PARG: variants seen among roughly 807,000 people sequenced by gnomAD.
PARG encodes poly(ADP-ribose) glycohydrolase, also known as mitochondrial poly(ADP-ribose) glycohydrolase.
In PARG, 35 loss-of-function variants were observed where a neutral mutation model predicts 113.0. That is an observed-to-expected ratio of 0.31 (90% confidence interval 0.24 to 0.41). The LOEUF (loss-of-function observed/expected upper bound fraction) is 0.41, where lower values mean the gene tolerates loss of function less well. Ranked by LOEUF, PARG falls within the 10% of genes least tolerant of loss-of-function variation. The probability of loss-of-function intolerance (pLI) is 1.00; values close to 1 mark genes in which losing one functional copy is unlikely to be tolerated. For synonymous variants in PARG, 330 were observed against 409.9 expected (o/e 0.81, Z 2.36); for missense variants, 797 against 1,169.4 (o/e 0.68, Z 4.64).
At chr10:49,937,827 G>C (rs1564671684) in intron 1 of PARG, among the ~76,000 whole-genome samples, 1 of 152,166 alleles carries the variant, frequency 6.6e-6, no homozygotes. Flanking sequence ...TAAGGAACCA[G>C]TATCTTCTGC....
Position 49,933,996 on chromosome 10 carries a change from G to T in PARG, c.452C>A (p.Thr151Asn). The change falls in exon 3 of 18, where the codon ACT becomes AAT. Residue 151 changes from threonine (T) to asparagine (N), a missense_variant. Around this residue, in one of 5 missense-constraint regions of PARG, gnomAD observed 284 missense variants for 306.1 expected, o/e 0.93. Coordinates refer to ENST00000616448, the MANE Select transcript of PARG (RefSeq NM_003631.5). ...ATTTTGCCACTTACACATTGCTGCA[G>T]TCTGATGCTGGTTCAAATACTGTGT... Reference protein sequence around the residue: ...KSTQYLNQHQTAAMCKWQNEG... With the variant: ...KSTQYLNQHQNAAMCKWQNEG... 1.2e-6 allele frequency: 2 copies of T among 1,607,474 alleles called. No homozygotes were observed. The highest frequency in any genetic ancestry group is 1.7e-5 in the Admixed American group (1 of 60,008).
intron 15 of PARG, among the ~76,000 whole-genome samples, chr10:49,835,296 C>T (rs548963587): frequency 5.9e-5 from 9 of 152,088 alleles, no homozygotes; most frequent in Admixed American, 1.3e-4. Flanking sequence ...CAGAAAGCTG[C>T]GAGAATAAAA....
intron 13 of PARG, among the ~76,000 whole-genome samples, chr10:49,856,444 C>G (rs1377234893): frequency 6.6e-6 from 1 of 152,082 alleles, no homozygotes; most frequent in Non-Finnish European, 1.5e-5. Flanking sequence ...CCTCCCAAAG[C>G]GCTAGGATTA....
intron 1 of PARG, among the ~76,000 whole-genome samples, chr10:49,936,326 A>G (rs1732949784): frequency 1.3e-5 from 2 of 152,308 alleles, no homozygotes; most frequent in Admixed American, 1.3e-4. Context: ...CTTAAGTAGA[A>G]ATATGGAATA....
At chr10:49,889,983 A>G (rs1439414012) in intron 7 of PARG, among the ~76,000 whole-genome samples, 3 of 152,218 alleles carry the variant, frequency 2.0e-5, no homozygotes, top group Non-Finnish European at 4.4e-5. Flanking sequence ...AACCTGTACA[A>G]CGCAAACTGG....
intron 7 of PARG, among the ~76,000 whole-genome samples, chr10:49,893,919 TG>T (rs1847941547): frequency 6.6e-6 from 1 of 152,020 alleles, no homozygotes. Context: ...AGGATGGTCT[TG>T]ATCTCCTGAC....
chr10:49,937,882 C>G (rs1838828138), intron 1 of PARG, among the ~76,000 whole-genome samples: 1 of 152,242 alleles, frequency 6.6e-6, no homozygotes, highest in African/African-American at 2.4e-5. Flanking sequence ...AGAGAAAGGA[C>G]TGCTTACTGC....
chr10:49,879,592 T>C (rs2132623515), intron 9 of PARG, 81 bp downstream of exon 9: 1 of 976,552 alleles, frequency 1.0e-6, no homozygotes, highest in Non-Finnish European at 1.5e-6. Flanking sequence ...GCTTGGCCTA[T>C]GGAATTCATT....
intron 7 of PARG, among the ~76,000 whole-genome samples, chr10:49,908,060 C>G (rs1458714105): frequency 6.6e-6 from 1 of 152,106 alleles, no homozygotes; most frequent in African/African-American, 2.4e-5. Context: ...CCTCTTTGTC[C>G]ACCACATAAA....
At chr10:49,911,060 A>G (rs1239193619) in intron 7 of PARG, among the ~76,000 whole-genome samples, 1 of 152,180 alleles carries the variant, frequency 6.6e-6, no homozygotes, top group African/African-American at 2.4e-5. Context: ...AGGTGGGTGG[A>G]TCACCTGAGG....
At chr10:49,844,711 C>T (rs1183516957) in intron 13 of PARG, among the ~76,000 whole-genome samples, 1 of 151,072 alleles carries the variant, frequency 6.6e-6, no homozygotes, top group Non-Finnish European at 1.5e-5. Flanking sequence ...GATCATGCCA[C>T]TGCCCTCCAG....
At chr10:49,907,992 G>A (rs1836948918) in intron 7 of PARG, among the ~76,000 whole-genome samples, 1 of 152,154 alleles carries the variant, frequency 6.6e-6, no homozygotes, top group African/African-American at 2.4e-5. Flanking sequence ...TTCATTATTA[G>A]AATATAAGAG....
chr10:49,844,371 C>T (rs1158547903), intron 13 of PARG, among the ~76,000 whole-genome samples: 8 of 152,080 alleles, frequency 5.3e-5, no homozygotes, highest in African/African-American at 1.9e-4. Context: ...GCCTGTAATC[C>T]TAGCGCTTTG....
At chr10:49,929,016 T>C (rs2664679) in intron 4 of PARG, among the ~76,000 whole-genome samples, 4 of 152,388 alleles carry the variant, frequency 2.6e-5, no homozygotes, top group African/African-American at 7.2e-5. Context: ...ATAATAGTTG[T>C]GTATTTTTTA....
intron 13 of PARG, among the ~76,000 whole-genome samples, chr10:49,852,993 T>A (rs1398479925): frequency 6.6e-6 from 1 of 151,778 alleles, no homozygotes; most frequent in Non-Finnish European, 1.5e-5. Flanking sequence ...TATTTTGTTC[T>A]CAGTGTTCAA....
intron 15 of PARG, among the ~76,000 whole-genome samples, chr10:49,836,135 T>A (rs972995204): frequency 3.3e-5 from 5 of 152,056 alleles, no homozygotes; most frequent in African/African-American, 1.2e-4. Context: ...TTAAAAGATG[T>A]CTTTCATTAT....
At chr10:49,877,389 A>G (rs1254293370) in intron 9 of PARG, among the ~76,000 whole-genome samples, 1 of 152,050 alleles carries the variant, frequency 6.6e-6, no homozygotes, top group African/African-American at 2.4e-5. Flanking sequence ...TGGAGTTATA[A>G]GAAATGCTGC....
chr10:49,889,321 G>C (rs1264112355), intron 7 of PARG, among the ~76,000 whole-genome samples: 9 of 152,162 alleles, frequency 5.9e-5, no homozygotes, highest in Non-Finnish European at 1.2e-4. Context: ...TCTTCAGCCA[G>C]AGCAGGCTTT....
At chr10:49,836,554 T>C (rs368302094) in intron 15 of PARG, among the ~76,000 whole-genome samples, 6 of 152,118 alleles carry the variant, frequency 3.9e-5, no homozygotes, top group East Asian at 1.9e-4. Context: ...AAATCCAAGA[T>C]TGGGTTATGT....
Sources: allele counts gnomAD v4.1 joint callset (sites outside exome capture counted in the v4.1 genomes callset), GRCh38; gene constraint gnomAD v4.1.1; regional missense constraint gnomAD v4.1.1; transcripts MANE v1.5; gene names NCBI Gene and HGNC (gene_info 2026-07-23, HGNC 2026-07-21).